Variants in PCDHAC2 observed in about 807,000 individuals in gnomAD.
PCDHAC2 encodes the protein protocadherin alpha-C2.
Under a neutral mutation model 63.3 loss-of-function variants are expected in PCDHAC2, and 24 were observed. The ratio of observed to expected loss-of-function variants is 0.38; its 90% CI spans 0.27 to 0.53. The LOEUF (loss-of-function observed/expected upper bound fraction) is 0.53. Ranked by LOEUF, PCDHAC2 falls within the 20% of genes least tolerant of loss-of-function variation. The pLI, the probability that PCDHAC2 is intolerant of heterozygous loss-of-function variation, is 0.81. For synonymous variants in PCDHAC2, 569 were observed against 529.4 expected (o/e 1.07, Z -1.03); for missense variants, 1,181 against 1,275.2 (o/e 0.93, Z 1.12).
At chr5:140,998,274 T>C (rs2097804171) in intron 3 of PCDHAC2, among the ~76,000 whole-genome samples, 1 of 152,162 alleles carries the variant, frequency 6.6e-6, no homozygotes, top group African/African-American at 2.4e-5. Flanking sequence ...CTGACACCCA[T>C]AGGATTAAAT....
At chr5:140,971,952 C>T (rs782029862) in intron 1 of PCDHAC2, among the ~76,000 whole-genome samples, 3 of 152,012 alleles carry the variant, frequency 2.0e-5, no homozygotes, top group Non-Finnish European at 4.4e-5. Context: ...CATCTGACTC[C>T]AAAAACTTTT....
chr5:140,993,397 T>C (rs2097553822), intron 3 of PCDHAC2, among the ~76,000 whole-genome samples: 2 of 151,682 alleles, frequency 1.3e-5, no homozygotes, highest in Admixed American at 1.3e-4. Context: ...ACTCCATCAT[T>C]AACCACCTTC....
At chr5:140,998,287 G>A (rs1209811850) in intron 3 of PCDHAC2, among the ~76,000 whole-genome samples, 3 of 152,154 alleles carry the variant, frequency 2.0e-5, no homozygotes, top group Non-Finnish European at 4.4e-5. Flanking sequence ...GATTAAATCA[G>A]ATCACACATT....
chr5:140,997,781 C>G (rs1207024588), intron 3 of PCDHAC2, among the ~76,000 whole-genome samples: 1 of 151,626 alleles, frequency 6.6e-6, no homozygotes, highest in Non-Finnish European at 1.5e-5. Context: ...TGTTGTATAC[C>G]TATATTATAA....
Position 140,967,457 on chromosome 5 carries a change from G to A in PCDHAC2, c.691G>A (p.Asp231Asn). The change falls in exon 1 of 4, where the codon GAT becomes AAT. Residue 231 changes from aspartate (D) to asparagine (N), a missense_variant. Transcript: ENST00000289269. ...ALHHLVLTAV[D>N]GGIPARSGTA... is the part of the protein sequence containing the mutation. ...GCACCACCTGGTTCTCACAGCCGTG[G>A]ATGGGGGCATCCCAGCCCGCTCGGG... The A allele has an allele frequency of 6.2e-7, 1 of 1,613,614 alleles. No individual in the cohort carries two copies. The highest frequency in any genetic ancestry group is 8.5e-7 in the Non-Finnish European group (1 of 1,179,894).
rs782520756 is a variant in PCDHAC2, at chr5:140,966,874, A to C, written c.108A>C (p.Leu36=). The C allele has an allele frequency of 1.7e-4, 275 of 1,584,454 alleles. No homozygotes were observed. Among genetic ancestry groups the C allele is most frequent in the Non-Finnish European group, 2.3e-4 (265 of 1,169,092 alleles). Residue 36 remains leucine, a synonymous_variant, in exon 1 of 4, where the codon CTA becomes CTC. Coordinates refer to ENST00000289269, the MANE Select transcript of PCDHAC2 (RefSeq NM_018899.6). ...TCCTGCTGCTGTTGCTGCTGCTGCT[A>C]CCTGGCCCTGCGGCCTCCCAGCTGC... ...LPLLLLLLLL[L]PGPAASQLRY... is the part of the protein sequence containing the mutation.
chr5:140,999,885 G>A (rs1250861955), intron 3 of PCDHAC2, among the ~76,000 whole-genome samples: 1 of 152,200 alleles, frequency 6.6e-6, no homozygotes, highest in Non-Finnish European at 1.5e-5. Context: ...TAGCCCAGCT[G>A]TAGCTTGGGA....
chr5:140,978,829 T>C, intron 1 of PCDHAC2, 120 bp from the exon 2 acceptor site: 1 of 1,533,852 alleles, frequency 6.5e-7, no homozygotes, highest in Non-Finnish European at 8.8e-7. Flanking sequence ...ATGAAATGGC[T>C]CATTCAATAC....
At chr5:140,997,918 A>G (rs2097790482) in intron 3 of PCDHAC2, among the ~76,000 whole-genome samples, 1 of 152,220 alleles carries the variant, frequency 6.6e-6, no homozygotes, top group South Asian at 2.1e-4. Context: ...TTACAGAATC[A>G]TAGGATATAA....
chr5:140,993,293 A>G (rs1445204823), intron 3 of PCDHAC2, among the ~76,000 whole-genome samples: 1 of 152,062 alleles, frequency 6.6e-6, no homozygotes, highest in African/African-American at 2.4e-5. Flanking sequence ...CAGGGTCACA[A>G]CCTTGCCTCC....
rs1554231375 is a variant in PCDHAC2, at chr5:140,969,037, C to A, written c.2271C>A (p.Tyr757Ter). 3.7e-6 allele frequency: 6 copies of A among 1,614,158 alleles called. No homozygotes were observed. The highest frequency in any genetic ancestry group is 5.1e-6 in the Non-Finnish European group (6 of 1,180,010). ...GVRERSPAEL[Y>*]KQANNNIDAR... Reference sequence around the variant, plus strand: ...GGGAAAGGTCCCCTGCAGAACTGTACAAACAAGCCAACAACAATATTGATG... The same window carrying A: ...GGGAAAGGTCCCCTGCAGAACTGTAAAAACAAGCCAACAACAATATTGATG... The change falls in exon 1 of 4, where the codon TAC becomes TAA. Residue 757 changes from tyrosine (Y) to a stop codon, truncating the protein, a stop_gained. Coordinates refer to ENST00000289269, the MANE Select transcript of PCDHAC2 (RefSeq NM_018899.6). LOFTEE classifies it high-confidence loss of function.
intron 1 of PCDHAC2, among the ~76,000 whole-genome samples, chr5:140,970,887 G>A (rs2096441583): frequency 6.6e-6 from 1 of 152,118 alleles, no homozygotes; most frequent in Non-Finnish European, 1.5e-5. Context: ...TTTTCTCATG[G>A]ACATTTCAGA....
In PCDHAC2 at chr5:140,967,138, G is replaced by A; in HGVS notation, c.372G>A (p.Leu124=). The change falls in exon 1 of 4, where the codon CTG becomes CTA. Residue 124 remains leucine, a synonymous_variant. Coordinates refer to ENST00000289269, the MANE Select transcript of PCDHAC2 (RefSeq NM_018899.6). ...GCTGCCTGCTCAGCTTGGAAGTGCT[G>A]GCGCACAACCCCGTGGCGGTGAGCG... ...RPRCLLSLEV[L]AHNPVAVSAV... is the part of the protein sequence containing the mutation. 1 of 1,611,568 alleles carries A rather than the reference G, an allele frequency of 6.2e-7. No individual in the cohort carries two copies. The highest frequency in any genetic ancestry group is 1.7e-4 in the Middle Eastern group (1 of 6,054).
rs1554230667 is a variant in PCDHAC2, at chr5:140,968,401, C to T, written c.1635C>T (p.Phe545=). 6.2e-7 allele frequency: 1 copy of T among 1,613,984 alleles called. No individual in the cohort carries two copies. The highest frequency in any genetic ancestry group is 1.1e-5 in the South Asian group (1 of 91,074). ...TTGACTATGAGAAGTTTCGGGAGTT[C>T]TTTGTGACTGTGGAGGCTCAGGACA... ...NSFDYEKFRE[F]FVTVEAQDKG... The change falls in exon 1 of 4, where the codon TTC becomes TTT. Residue 545 remains phenylalanine, a synonymous_variant. Transcript: ENST00000289269.
Position 140,979,001 on chromosome 5 carries a change from T to C in PCDHAC2, c.2618T>C (p.Met873Thr). ...WRYSASLRAG[M>T]HSSVHLEEAG... Reference sequence around the variant, plus strand: ...TACTCTGCCTCCCTGAGAGCAGGCATGCACAGGTATGTATTTCCCTCCTCA... The same window carrying C: ...TACTCTGCCTCCCTGAGAGCAGGCACGCACAGGTATGTATTTCCCTCCTCA... Residue 873 changes from methionine (M) to threonine (T), a missense_variant, in exon 2 of 4, where the codon ATG becomes ACG. By Grantham distance (81) the Met-to-Thr change is moderately conservative (BLOSUM62 -1). Transcript: ENST00000289269. 6.2e-7 allele frequency: 1 copy of C among 1,614,148 alleles called. No individual in the cohort carries two copies. Among genetic ancestry groups the C allele is most frequent in the Non-Finnish European group, 8.5e-7 (1 of 1,180,016 alleles).
chr5:140,979,033 C>T, intron 2 of PCDHAC2, 26 bp downstream of exon 2: 1 of 1,613,044 alleles, frequency 6.2e-7, no homozygotes, highest in Non-Finnish European at 8.5e-7. Flanking sequence ...CTCATTCACT[C>T]AGAAGTAACC....
At chr5:141,002,184 T>A (rs1554258557) in intron 3 of PCDHAC2, among the ~76,000 whole-genome samples, 1 of 152,218 alleles carries the variant, frequency 6.6e-6, no homozygotes, top group East Asian at 1.9e-4. Flanking sequence ...CAGAGTGCTG[T>A]CTGGCAAGAT....
chr5:140,966,538 C>G lies in PCDHAC2; in HGVS notation c.-229C>G. The stretch of plus-strand genomic sequence containing the variant: ...CAGGAAGCCGAGCCGGGTTGAGCGA[C>G]TCGGAGGCGAGCGGAGGAGCTGGAA... On this transcript the variant is annotated 5_prime_UTR_variant, in exon 1 of 4. Coordinates refer to ENST00000289269, the MANE Select transcript of PCDHAC2 (RefSeq NM_018899.6). 2.2e-6 allele frequency: 1 copy of G among 463,262 alleles called. No individual in the cohort carries two copies. The highest frequency in any genetic ancestry group is 3.7e-6 in the Non-Finnish European group (1 of 270,286). The allele number at this position is 463,262 out of a possible 1,614,324, so 28.7% of individuals were successfully genotyped here.
At chr5:140,976,011 C>A (rs983997714) in intron 1 of PCDHAC2, among the ~76,000 whole-genome samples, 10 of 152,230 alleles carry the variant, frequency 6.6e-5, no homozygotes, top group Admixed American at 1.3e-4. Flanking sequence ...TATTAAAGAA[C>A]TAAATAATCA....
Sources: allele counts gnomAD v4.1 joint callset (sites outside exome capture counted in the v4.1 genomes callset), GRCh38; gene constraint gnomAD v4.1.1; transcripts MANE v1.5; gene names NCBI Gene and HGNC (gene_info 2026-07-23, HGNC 2026-07-21).